LINGO2: variants seen among roughly 807,000 people sequenced by gnomAD.
The protein encoded by LINGO2 is leucine rich repeat and Ig domain containing 2, also known as leucine-rich repeat and immunoglobulin-like domain-containing nogo receptor-interacting protein 2.
A neutral mutation model predicts 30.6 loss-of-function variants in LINGO2; 14 were observed. That is an observed-to-expected ratio of 0.46 (90% CI 0.30 to 0.72). The LOEUF (loss-of-function observed/expected upper bound fraction) is 0.72, where lower values mean the gene tolerates loss of function less well. LINGO2 is among the 30% of genes least tolerant of loss of function. The pLI is 0.07. For missense variants in LINGO2, 729 were observed against 751.7 expected (o/e 0.97, Z 0.35); for synonymous variants, 317 against 288.5 (o/e 1.10, Z -1.00).
At chr9:28,835,639 G>C in the LINGO2 span, among the ~76,000 whole-genome samples, 3 of 152,188 alleles carry the variant, frequency 2.0e-5, no homozygotes, top group Non-Finnish European at 4.4e-5. Context: ...ATGGGGTTGA[G>C]AGCCACTGAT....
At chr9:28,797,608 G>A in the LINGO2 span, among the ~76,000 whole-genome samples, 1 of 151,900 alleles carries the variant, frequency 6.6e-6, no homozygotes, top group Non-Finnish European at 1.5e-5. Flanking sequence ...CATATAAAAT[G>A]CTGTGAGAAG....
At position 28,196,804 on chromosome 9, in the gene LINGO2, A is replaced by T. The variant is rs1820030016; in HGVS notation, c.-87+98404T>A. ...TTAAACAAAATAAGTCAGGTATAGAAATACAAATATCACATGTTCTCACTC... is the reference window on the plus strand; with the variant it reads ...TTAAACAAAATAAGTCAGGTATAGATATACAAATATCACATGTTCTCACTC... On this transcript the variant is annotated intron_variant, in intron 4 of 5. Coordinates refer to ENST00000379992, the Ensembl canonical transcript of LINGO2. Among the ~76,000 whole-genome samples the T allele has an allele frequency of 3.3e-5, 5 of 152,124 alleles. No individual in the cohort carries two copies. The South Asian group carries it at 1.0e-3, about 31-fold the overall frequency.
At chr9:28,585,332 T>C (rs1028216065) in intron 1 of LINGO2, among the ~76,000 whole-genome samples, 1 of 151,936 alleles carries the variant, frequency 6.6e-6, no homozygotes, top group Non-Finnish European at 1.5e-5. Flanking sequence ...TGTGGCTCCT[T>C]AGACTGAGGG....
rs73435264 is a variant in LINGO2 at position 28,411,533 on chromosome 9, C to G, written c.-278-38665G>C. 9.2e-3 allele frequency among the ~76,000 whole-genome samples: 1,393 copies of G among 152,186 alleles called. 19 individuals are homozygous for G. The highest frequency in any genetic ancestry group is 0.032 in the African/African-American group (1,318 of 41,536). ...TTTCCCCTTCCTGCCAACCACCATT[C>G]TGCTCTCTGTGTCTGATTTCAACAA... is the stretch of plus-strand genomic sequence containing the variant. On this transcript the variant is annotated intron_variant, in intron 2 of 5. Coordinates refer to ENST00000379992, the Ensembl canonical transcript of LINGO2.
chr9:28,348,646 C>T (rs558456458), intron 3 of LINGO2, among the ~76,000 whole-genome samples: 5 of 152,212 alleles, frequency 3.3e-5, no homozygotes, highest in African/African-American at 1.2e-4. Flanking sequence ...TGGAGCCCAC[C>T]ACAGCTCAAG....
intron 4 of LINGO2, among the ~76,000 whole-genome samples, chr9:28,017,433 G>C (rs1175690522): frequency 6.6e-6 from 1 of 152,148 alleles, no homozygotes; most frequent in African/African-American, 2.4e-5. Flanking sequence ...CGTATTCCTA[G>C]AAAATCCCAT....
At chr9:28,237,966 G>A (rs1821638401) in intron 4 of LINGO2, among the ~76,000 whole-genome samples, 1 of 152,078 alleles carries the variant, frequency 6.6e-6, no homozygotes, top group African/African-American at 2.4e-5. Flanking sequence ...AACCTAAAAA[G>A]AGCAGGAGTA....
the LINGO2 span, among the ~76,000 whole-genome samples, chr9:28,680,608 C>T: frequency 6.6e-6 from 1 of 152,112 alleles, no homozygotes; most frequent in Non-Finnish European, 1.5e-5. Context: ...TTCTCCACAA[C>T]CTCTTCAACA....
chr9:28,865,354 G>C, the LINGO2 span, among the ~76,000 whole-genome samples: 1 of 152,090 alleles, frequency 6.6e-6, no homozygotes, highest in East Asian at 1.9e-4. Context: ...AGGTCCTCCA[G>C]CTCTTCATCA....
chr9:28,958,769 G>A, the LINGO2 span, among the ~76,000 whole-genome samples: 2 of 152,076 alleles, frequency 1.3e-5, no homozygotes, highest in African/African-American at 4.8e-5. Flanking sequence ...AGAGAAGAGT[G>A]TTGAGTTGAT....
chr9:28,840,816 C>G, the LINGO2 span, among the ~76,000 whole-genome samples: 3 of 151,860 alleles, frequency 2.0e-5, 1 homozygote, highest in African/African-American at 7.3e-5. Context: ...GGTGTGAGGT[C>G]TCCAGAAGGG....
At chr9:29,174,483 G>A in the LINGO2 span, among the ~76,000 whole-genome samples, 47 of 152,252 alleles carry the variant, frequency 3.1e-4, no homozygotes, top group East Asian at 7.5e-3. Flanking sequence ...TTCATGCTAC[G>A]TCCTAGGACT....
At chr9:29,135,558 CAA>C in the LINGO2 span, among the ~76,000 whole-genome samples, 74 of 108,142 alleles carry the variant, frequency 6.8e-4, no homozygotes, top group African/African-American at 1.3e-3. Context: ...ATTCCATCTC[CAA>C]AAAAAAAAAA....
chr9:28,239,475 G>T (rs891313450), intron 4 of LINGO2, among the ~76,000 whole-genome samples: 1 of 152,074 alleles, frequency 6.6e-6, no homozygotes, highest in African/African-American at 2.4e-5. Context: ...TGTAAGGATG[G>T]TTCAACATAT....
At chr9:29,085,996 C>T in the LINGO2 span, among the ~76,000 whole-genome samples, 30,320 of 151,962 alleles carry the variant, frequency 0.2, 3,150 homozygotes, top group South Asian at 0.25. Flanking sequence ...CTTGTACTTG[C>T]TTGTTTTTCT....
rs75406326 is a variant in LINGO2 at position 28,604,223 on chromosome 9, A to G, written c.-365+65977T>C. 8.4e-3 allele frequency among the ~76,000 whole-genome samples: 1,278 copies of G among 152,104 alleles called. 28 individuals carry two copies. Among genetic ancestry groups the G allele is most frequent in the East Asian group, 0.053 (276 of 5,178 alleles). On this transcript the variant is annotated intron_variant, in intron 1 of 5. Transcript: ENST00000379992. Reference sequence around the variant, plus strand: ...AGTTCAAAATGCATACCCAGGCACTACAGTGTTAGGCAATAGTAAAAAACT... The same window carrying G: ...AGTTCAAAATGCATACCCAGGCACTGCAGTGTTAGGCAATAGTAAAAAACT...
chr9:28,905,626 G>A, the LINGO2 span, among the ~76,000 whole-genome samples: 16 of 152,048 alleles, frequency 1.1e-4, no homozygotes, highest in African/African-American at 3.1e-4. Context: ...TCACACCTGT[G>A]AGAATAGATG....
Position 28,092,634 on chromosome 9 carries a change from C to T in LINGO2, c.-86-80229G>A, listed in dbSNP as rs193068528. ...ATGGGTGCAGCACACCAACATGGCA[C>T]ATGTATACGTATGTAACAAACCTGC... On this transcript the variant is annotated intron_variant, in intron 4 of 5. Transcript: ENST00000379992. Among the ~76,000 whole-genome samples, 257 of 151,864 alleles carry T rather than the reference C, an allele frequency of 1.7e-3. 1 individual carries two copies. Among genetic ancestry groups the T allele is most frequent in the Admixed American group, 4.3e-3 (65 of 15,240 alleles).
At chr9:28,794,543 C>T in the LINGO2 span, among the ~76,000 whole-genome samples, 1 of 152,106 alleles carries the variant, frequency 6.6e-6, no homozygotes, top group African/African-American at 2.4e-5. Flanking sequence ...GTCCTGGCTC[C>T]TTCTCTTCCT....
Sources: gnomAD v4.1 joint callset for allele counts (sites outside exome capture counted in the v4.1 genomes callset) on GRCh38, gnomAD v4.1.1 for gene constraint, MANE v1.5 for transcripts, NCBI Gene and HGNC (gene_info 2026-07-23, HGNC 2026-07-21) for gene names.